The following PLBD1 variants were observed in gnomAD, a reference collection of about 807,000 sequenced individuals.
PLBD1 encodes the protein phospholipase B domain containing 1, also known as lysosomal leucine aminopeptidase.
PLBD1 carries 60 observed loss-of-function variants against 63.0 expected under a neutral mutation model. The observed-to-expected ratio is 0.95, with a 90% CI of 0.77 to 1.18. PLBD1 has a LOEUF of 1.18. Ranked by LOEUF, PLBD1 falls within the 50% of genes most tolerant of loss-of-function variation. The probability of loss-of-function intolerance (pLI) is 0.00; values close to 1 mark genes in which losing one functional copy is unlikely to be tolerated. For missense variants in PLBD1, 598 were observed against 677.9 expected, an observed-to-expected ratio of 0.88 and a Z score of 1.31; for synonymous variants, 262 against 248.0, an observed-to-expected ratio of 1.06 and a Z score of -0.53.
intron 6 of PLBD1, among the ~76,000 whole-genome samples, chr12:14,514,740 A>T (rs1945325128): frequency 7.1e-6 from 1 of 141,682 alleles, no homozygotes; most frequent in African/African-American, 2.5e-5. Flanking sequence ...TAATCTTTTT[A>T]AATTTTTTTT....
At chr12:14,521,509 G>A (rs1441480695) in intron 6 of PLBD1, among the ~76,000 whole-genome samples, 1 of 152,078 alleles carries the variant, frequency 6.6e-6, no homozygotes, top group Non-Finnish European at 1.5e-5. Context: ...TCCAGGCTAG[G>A]ATGCCACTGA....
At chr12:14,528,800 T>C (rs909684249) in intron 6 of PLBD1, among the ~76,000 whole-genome samples, 3 of 152,080 alleles carry the variant, frequency 2.0e-5, no homozygotes, top group Non-Finnish European at 4.4e-5. Context: ...TTACAGATCC[T>C]ACAGACATTA....
chr12:14,510,844 C>T (rs1945292223), intron 8 of PLBD1, among the ~76,000 whole-genome samples: 1 of 152,174 alleles, frequency 6.6e-6, no homozygotes, highest in Admixed American at 6.6e-5. Context: ...TGAGTTCCTG[C>T]AGCTGCTTTG....
intron 5 of PLBD1, 109 bp downstream of exon 5, chr12:14,536,461 G>A (rs2136920774): frequency 8.4e-7 from 1 of 1,196,374 alleles, no homozygotes; most frequent in Non-Finnish European, 1.2e-6. Flanking sequence ...GAACTCATGA[G>A]CTGATATACA....
chr12:14,560,517 T>G (rs1452187905), intron 1 of PLBD1, among the ~76,000 whole-genome samples: 1 of 152,214 alleles, frequency 6.6e-6, no homozygotes, highest in Non-Finnish European at 1.5e-5. Flanking sequence ...CTTTTCTCTT[T>G]TATGTCTGCT....
intron 1 of PLBD1, among the ~76,000 whole-genome samples, chr12:14,557,833 A>G (rs1411599495): frequency 6.6e-6 from 1 of 152,106 alleles, no homozygotes; most frequent in Non-Finnish European, 1.5e-5. Context: ...ACTTAAAATA[A>G]AAGTTAAAAA....
In PLBD1 at chr12:14,536,640, G is replaced by T; in HGVS notation, c.629C>A (p.Ser210Tyr). The T allele has an allele frequency of 6.2e-7, 1 of 1,614,156 alleles. No homozygotes were observed. ...GDLLDLIPSL[S>Y]PTKNGSLKVF... ...CTTTAGGCTGCCGTTTTTTGTGGGA[G>T]AGAGTGAGGGAATCAGATCCAATAG... is the stretch of plus-strand genomic sequence containing the variant. Residue 210 changes from serine to tyrosine, a missense_variant, in exon 5 of 11, where the codon TCT (serine) becomes TAT (tyrosine). Ser to Tyr is a moderately radical substitution (Grantham distance 144). Transcript: ENST00000240617.
chr12:14,522,974 T>G (rs1020886290), intron 6 of PLBD1, among the ~76,000 whole-genome samples: 7 of 151,964 alleles, frequency 4.6e-5, no homozygotes, highest in Non-Finnish European at 7.4e-5. Context: ...ATGCACCACT[T>G]TTATTTAACA....
At chr12:14,536,966 G>A (rs1046566686) in intron 4 of PLBD1, among the ~76,000 whole-genome samples, 2 of 151,788 alleles carry the variant, frequency 1.3e-5, no homozygotes, top group Non-Finnish European at 2.9e-5. Context: ...GCGGGCGCCT[G>A]TAGTCCCAGC....
At chr12:14,506,419 T>C in intron 9 of PLBD1, 151 bp from the exon 10 acceptor site, 1 of 603,696 alleles carries the variant, frequency 1.7e-6, no homozygotes, top group Non-Finnish European at 2.8e-6. Flanking sequence ...GATAGAGACA[T>C]CTCCCTTGGC....
chr12:14,542,991 G>A lies in PLBD1; in HGVS notation c.336-700C>T, dbSNP rs540607665. Among the ~76,000 whole-genome samples the A allele has an allele frequency of 4.6e-5, 7 of 152,204 alleles. No homozygotes were observed. In the South Asian group the frequency reaches 1.0e-3, roughly 23 times the overall value. On this transcript the variant is annotated intron_variant, in intron 2 of 10. Coordinates refer to ENST00000240617, the MANE Select transcript of PLBD1 (RefSeq NM_024829.6). Reference sequence around the variant, plus strand: ...GAACCTGGGAGGCAGAGCTTGCAGCGATTCTTTATTTTAAAACTTAAAAAA... The same window carrying A: ...GAACCTGGGAGGCAGAGCTTGCAGCAATTCTTTATTTTAAAACTTAAAAAA...
chr12:14,535,193 C>T (rs1489435458), intron 6 of PLBD1, among the ~76,000 whole-genome samples: 4 of 152,170 alleles, frequency 2.6e-5, no homozygotes, highest in African/African-American at 7.2e-5. Flanking sequence ...TATAAACTTA[C>T]ACATTCATTC....
At chr12:14,564,429 C>G (rs569602006) in intron 1 of PLBD1, among the ~76,000 whole-genome samples, 20 of 152,292 alleles carry the variant, frequency 1.3e-4, no homozygotes, top group Non-Finnish European at 2.6e-4. Flanking sequence ...CAATGCTAGG[C>G]AAGCACCATG....
chr12:14,535,616 A>T (rs1226932230), intron 6 of PLBD1, 43 bp downstream of exon 6: 1 of 1,602,838 alleles, frequency 6.2e-7, no homozygotes. Context: ...TTTATCCAGG[A>T]ATAGTACTCA....
At chr12:14,548,232 G>A (rs1453529029) in intron 2 of PLBD1, among the ~76,000 whole-genome samples, 2 of 151,940 alleles carry the variant, frequency 1.3e-5, no homozygotes, top group Non-Finnish European at 2.9e-5. Context: ...TGAGGCAGAC[G>A]GATCGCCTGA....
chr12:14,530,672 A>G (rs536514149), intron 6 of PLBD1, among the ~76,000 whole-genome samples: 1 of 152,366 alleles, frequency 6.6e-6, no homozygotes. Flanking sequence ...GTTGACAAGT[A>G]AATTTTCTCT....
chr12:14,553,213 C>T lies in PLBD1; in HGVS notation c.315G>A (p.Leu105=), dbSNP rs200119470. Residue 105 remains leucine (L), a synonymous_variant, in exon 2 of 11, where the codon TTG becomes TTA. Transcript: ENST00000240617. ...CTTACGGGGCAGTGAGGTAACCCTC[C>T]AAAAAGCCAGCCACAAACATGATGA... ...NEIIMFVAGF[L]EGYLTAPHMN... is the part of the protein sequence containing the mutation. The T allele has an allele frequency of 6.2e-7, 1 of 1,612,528 alleles. No individual in the cohort carries two copies. Among genetic ancestry groups the T allele is most frequent in the Non-Finnish European group, 8.5e-7 (1 of 1,179,482 alleles).
chr12:14,535,522 C>T (rs1945505793), intron 6 of PLBD1, 137 bp downstream of exon 6: 1 of 952,888 alleles, frequency 1.0e-6, no homozygotes, highest in Admixed American at 3.0e-5. Flanking sequence ...TTCAAAAGCC[C>T]TCTGAAAATC....
rs11056022 is a variant in PLBD1 at position 14,550,751 on chromosome 12, G to A, written c.335+2442C>T. ...AAATTAGCCAGGCGTGGTGGCTCAT[G>A]CCTGTAATCCCATCTACTTGGGAGG... is the stretch of plus-strand genomic sequence containing the variant. On this transcript the variant is annotated intron_variant, in intron 2 of 10. Coordinates refer to ENST00000240617, the MANE Select transcript of PLBD1 (RefSeq NM_024829.6). Among the ~76,000 whole-genome samples the A allele has an allele frequency of 1.5e-3, 232 of 152,182 alleles. 3 individuals are homozygous for A. In the South Asian group the frequency reaches 0.02, roughly 13 times the overall value.
Sources: allele counts gnomAD v4.1 joint callset (sites outside exome capture counted in the v4.1 genomes callset), GRCh38; gene constraint gnomAD v4.1.1; transcripts MANE v1.5; gene names NCBI Gene and HGNC (gene_info 2026-07-23, HGNC 2026-07-21).